PKIB: variants seen among roughly 807,000 people sequenced by gnomAD.
The protein encoded by PKIB is PKI-beta.
A neutral mutation model predicts 4.5 loss-of-function variants in PKIB; 2 were observed. The ratio of observed to expected loss-of-function variants is 0.44; its 90% CI spans 0.18 to 1.39. The LOEUF (loss-of-function observed/expected upper bound fraction) is 1.39, where lower values mean the gene tolerates loss of function less well. Among genes scored for constraint, PKIB ranks in the 40% most tolerant of loss-of-function variants. The pLI is 0.27. For missense variants in PKIB, 94 were observed against 92.6 expected (o/e 1.02, Z -0.06); for synonymous variants, 38 against 36.0 (o/e 1.06, Z -0.20).
Position 122,553,479 on chromosome 6 carries a change from TTC to T in PKIB, c.-247-32440_-247-32439del, listed in dbSNP as rs375366609. ...CATCTCTCAAGATTGCTCAAATATC[TTC>T]TTTTTTTTTTTTTTTTTTTTTTCTG... On this transcript the variant is annotated intron_variant, in intron 2 of 6. Transcript: ENST00000392491. Among the ~76,000 whole-genome samples the T allele has an allele frequency of 2.6e-4, 24 of 93,072 alleles. No individual in the cohort carries two copies. The East Asian group carries it at 4.4e-3, about 17-fold the overall frequency. 61.1% of individuals were successfully genotyped at this position (93,072 alleles called of 152,430 possible). A position where few individuals can be genotyped will look rare whatever the true frequency, so the allele number is the denominator to read the frequency against.
chr6:122,579,602 C>A (rs1335965977), intron 2 of PKIB, among the ~76,000 whole-genome samples: 2 of 151,952 alleles, frequency 1.3e-5, no homozygotes, highest in African/African-American at 2.4e-5. Flanking sequence ...TTTAAAATAT[C>A]ATGTATTTTA....
chr6:122,576,381 T>C (rs796156542), intron 2 of PKIB, among the ~76,000 whole-genome samples: 11 of 151,252 alleles, frequency 7.3e-5, no homozygotes, highest in African/African-American at 2.4e-4. Flanking sequence ...TTAAAATATA[T>C]ATTTTGGCTG....
chr6:122,574,698 G>C (rs540473722), intron 2 of PKIB, among the ~76,000 whole-genome samples: 4 of 152,094 alleles, frequency 2.6e-5, no homozygotes, highest in African/African-American at 9.7e-5. Flanking sequence ...CAAGCCACAT[G>C]TGGAAGAATG....
intron 2 of PKIB, among the ~76,000 whole-genome samples, chr6:122,504,769 A>G (rs1044668680): frequency 6.6e-6 from 1 of 152,218 alleles, no homozygotes; most frequent in Non-Finnish European, 1.5e-5. Flanking sequence ...ATCATTTTGC[A>G]TAACTGTAGT....
At chr6:122,542,749 G>T (rs1294437633) in intron 2 of PKIB, among the ~76,000 whole-genome samples, 1 of 152,114 alleles carries the variant, frequency 6.6e-6, no homozygotes, top group Non-Finnish European at 1.5e-5. Context: ...AAAACTGTCA[G>T]ACAGGGACAT....
At chr6:122,569,738 T>A (rs1429842802) in intron 2 of PKIB, among the ~76,000 whole-genome samples, 1 of 152,190 alleles carries the variant, frequency 6.6e-6, no homozygotes, top group Non-Finnish European at 1.5e-5. Context: ...TAACAGTTAC[T>A]GTAGTCTGGC....
intron 2 of PKIB, among the ~76,000 whole-genome samples, chr6:122,544,743 A>G (rs1479584825): frequency 1.3e-5 from 2 of 152,144 alleles, no homozygotes; most frequent in Admixed American, 6.5e-5. Flanking sequence ...CAAACTATGT[A>G]TCTGTCAATG....
chr6:122,657,498 T>C (rs1465586340), intron 2 of PKIB, among the ~76,000 whole-genome samples: 1 of 152,230 alleles, frequency 6.6e-6, no homozygotes, highest in African/African-American at 2.4e-5. Flanking sequence ...ATGTAGATGA[T>C]ATTTTGGAGC....
chr6:122,722,086 A>G (rs985408851), intron 4 of PKIB, among the ~76,000 whole-genome samples: 1 of 152,174 alleles, frequency 6.6e-6, no homozygotes, highest in African/African-American at 2.4e-5. Flanking sequence ...CATATGCAGA[A>G]GGTTGAAGAA....
intron 1 of PKIB, among the ~76,000 whole-genome samples, chr6:122,612,200 C>T (rs549683302): frequency 2.8e-4 from 42 of 152,112 alleles, no homozygotes; most frequent in East Asian, 9.7e-4. Context: ...TAAATTCTTA[C>T]GCAGTTTGCA....
At chr6:122,567,972 C>A (rs192407063) in intron 2 of PKIB, among the ~76,000 whole-genome samples, 4 of 152,140 alleles carry the variant, frequency 2.6e-5, no homozygotes, top group Admixed American at 2.0e-4. Flanking sequence ...ACTCTATGTC[C>A]TTTTTTTGTG....
intron 2 of PKIB, among the ~76,000 whole-genome samples, chr6:122,585,172 C>G (rs1328967262): frequency 1.3e-5 from 2 of 152,116 alleles, no homozygotes; most frequent in Admixed American, 1.3e-4. Context: ...TATGCTGTCA[C>G]TTCAATAAAA....
intron 2 of PKIB, among the ~76,000 whole-genome samples, chr6:122,510,665 G>A (rs1182274426): frequency 1.3e-5 from 2 of 152,066 alleles, no homozygotes; most frequent in African/African-American, 4.8e-5. Flanking sequence ...CAAATACTGG[G>A]GAATTTCAAG....
intron 2 of PKIB, among the ~76,000 whole-genome samples, chr6:122,492,728 G>A (rs1024056750): frequency 1.3e-5 from 2 of 150,398 alleles, no homozygotes; most frequent in Non-Finnish European, 3.0e-5. Flanking sequence ...TTATGAGTTT[G>A]CCCCAGTATA....
At chr6:122,567,440 C>T (rs1281261906) in intron 2 of PKIB, among the ~76,000 whole-genome samples, 1 of 152,170 alleles carries the variant, frequency 6.6e-6, no homozygotes, top group African/African-American at 2.4e-5. Context: ...AGTCCTTTGC[C>T]ATGGTTCCCT....
intron 2 of PKIB, among the ~76,000 whole-genome samples, chr6:122,646,715 TTAAAA>T (rs1260888754): frequency 6.6e-6 from 1 of 152,220 alleles, no homozygotes; most frequent in African/African-American, 2.4e-5. Context: ...ATTTATGTAA[TTAAAA>T]TAAAATTTTT....
At position 122,561,994 on chromosome 6, in the gene PKIB, G is replaced by GTTTTTTTTTTTT; in HGVS notation, c.-247-23918_-247-23917insTTTTTTTTTTTT. ...GCATAGTTTTTTTTTGTTTGTTTTT[G>GTTTTTTTTTTTT]TTTTTTTTTGTTTTTTTTTTTTTTT... On this transcript the variant is annotated intron_variant, in intron 2 of 6. Coordinates refer to the PKIB transcript ENST00000392491. Among the ~76,000 whole-genome samples the GTTTTTTTTTTTT allele has an allele frequency of 3.7e-3, 153 of 40,862 alleles. 15 individuals carry two copies. The highest frequency in any genetic ancestry group is 4.4e-3 in the Non-Finnish European group (96 of 21,654). The allele number at this position is 40,862 out of a possible 152,430, so 26.8% of individuals were successfully genotyped here. A position where few individuals can be genotyped will look rare whatever the true frequency, so the allele number is the denominator to read the frequency against.
intron 2 of PKIB, among the ~76,000 whole-genome samples, chr6:122,567,980 G>A (rs1225869835): frequency 3.3e-5 from 5 of 151,856 alleles, no homozygotes; most frequent in African/African-American, 1.2e-4. Flanking sequence ...TCCTTTTTTT[G>A]TGTGCCTGAA....
chr6:122,589,903 T>C (rs1350731584), intron 3 of PKIB, among the ~76,000 whole-genome samples: 1 of 152,208 alleles, frequency 6.6e-6, no homozygotes, highest in Non-Finnish European at 1.5e-5. Flanking sequence ...TCCTCAAATA[T>C]TTGCAATGCA....
Sources: gnomAD v4.1 joint callset for allele counts (sites outside exome capture counted in the v4.1 genomes callset) on GRCh38, gnomAD v4.1.1 for gene constraint, MANE v1.5 for transcripts, NCBI Gene and HGNC (gene_info 2026-07-23, HGNC 2026-07-21) for gene names.